The following CLEC2D variants were observed in gnomAD, a reference collection of about 807,000 sequenced individuals.
The protein encoded by CLEC2D is C-type lectin domain family 2 member D, also known as C-type lectin related f.
In CLEC2D, 16 loss-of-function variants were observed where a neutral mutation model predicts 20.0. That is an observed-to-expected ratio of 0.80 (90% CI 0.54 to 1.22). CLEC2D has a LOEUF of 1.22. Ranked by LOEUF, CLEC2D falls within the 50% of genes most tolerant of loss-of-function variation. The pLI is 0.00. For missense variants in CLEC2D, 207 were observed against 221.5 expected, an observed-to-expected ratio of 0.93 and a Z score of 0.42; for synonymous variants, 77 against 71.1, an observed-to-expected ratio of 1.08 and a Z score of -0.42.
Position 9,695,358 on chromosome 12 carries a change from C to G in CLEC2D, c.*484C>G. ...TCATTTATCTTCGTCTGCCTTGTCT[C>G]CTACCTAAGTGTGTGTCGCCACCCG... On this transcript the variant is annotated 3_prime_UTR_variant, in exon 5 of 5. Coordinates refer to ENST00000290855, the MANE Select transcript of CLEC2D (RefSeq NM_013269.6). The G allele has an allele frequency of 8.3e-7, 1 of 1,209,706 alleles. No homozygotes were observed. The highest frequency in any genetic ancestry group is 1.2e-6 in the Non-Finnish European group (1 of 828,280). The allele number at this position is 1,209,706 out of a possible 1,614,324, so 74.9% of individuals were successfully genotyped here.
intron 1 of CLEC2D, among the ~76,000 whole-genome samples, chr12:9,673,286 CTGTT>C (rs1002823981): frequency 2.0e-5 from 3 of 152,126 alleles, no homozygotes; most frequent in African/African-American, 4.8e-5. Flanking sequence ...TTGTTACTTT[CTGTT>C]TGTTTGTTTA....
chr12:9,687,688 C>CTG (rs1428762152), intron 2 of CLEC2D, among the ~76,000 whole-genome samples: 1 of 152,112 alleles, frequency 6.6e-6, no homozygotes, highest in Non-Finnish European at 1.5e-5. Context: ...TTCAGCTCAC[C>CTG]CCCTGCTGAA....
intron 3 of CLEC2D, among the ~76,000 whole-genome samples, chr12:9,689,913 A>G (rs1038771661): frequency 6.6e-6 from 1 of 152,134 alleles, no homozygotes; most frequent in African/African-American, 2.4e-5. Flanking sequence ...GAAATCCAGG[A>G]AAGAGAAGAG....
chr12:9,698,798 A>C lies in CLEC2D; in HGVS notation c.*3924A>C, dbSNP rs1277860313. ...ATACCCTAACATATAGTGATTTGAC[A>C]GGTGGAACTAAAGAAGACTCGAGGT... On this transcript the variant is annotated 3_prime_UTR_variant, in exon 5 of 5. Transcript: ENST00000290855. The C allele has an allele frequency of 2.6e-5, 4 of 152,206 alleles. No homozygotes were observed. Among genetic ancestry groups the C allele is most frequent in the African/African-American group, 7.2e-5 (3 of 41,464 alleles). 9.4% of individuals were successfully genotyped at this position (152,206 alleles called of 1,614,324 possible).
rs1358815090 is a variant in CLEC2D at position 9,695,097 on chromosome 12, T to G, written c.*223T>G. The G allele has an allele frequency of 7.0e-6, 4 of 574,762 alleles. No homozygotes were observed. The highest frequency in any genetic ancestry group is 1.2e-5 in the Non-Finnish European group (4 of 322,560). 35.6% of individuals were successfully genotyped at this position (574,762 alleles called of 1,614,324 possible). A position where few individuals can be genotyped will look rare whatever the true frequency, so the allele number is the denominator to read the frequency against. On this transcript the variant is annotated 3_prime_UTR_variant, in exon 5 of 5. Transcript: ENST00000290855. Reference sequence around the variant, plus strand: ...CCACTGCTAATGACATACCCGAGACTGAGTAATTTATAAATAAAAGAGATT... The same window carrying G: ...CCACTGCTAATGACATACCCGAGACGGAGTAATTTATAAATAAAAGAGATT...
chr12:9,691,817 A>G lies in CLEC2D; in HGVS notation c.358-1011A>G, dbSNP rs182337655. Among the ~76,000 whole-genome samples, 124 of 152,366 alleles carry G rather than the reference A, an allele frequency of 8.1e-4. 1 individual carries two copies. The highest frequency in any genetic ancestry group is 2.9e-3 in the African/African-American group (121 of 41,592). ...AAAAAAGAAGAAAGATCTCAAATCC[A>G]TAGCCTAACTGTACACTGTAAGGAA... is the stretch of plus-strand genomic sequence containing the variant. On this transcript the variant is annotated intron_variant, in intron 3 of 4. Coordinates refer to ENST00000290855, the MANE Select transcript of CLEC2D (RefSeq NM_013269.6).
intron 2 of CLEC2D, among the ~76,000 whole-genome samples, chr12:9,686,191 C>CA (rs367727604): frequency 4.9e-4 from 74 of 151,874 alleles, no homozygotes; most frequent in African/African-American, 1.7e-3. Flanking sequence ...CTTGTGTAAC[C>CA]AGTCCCAGTG....
Position 9,669,769 on chromosome 12 carries a change from C to T in CLEC2D, c.35C>T (p.Thr12Ile). 3 of 1,613,704 alleles carry T rather than the reference C, an allele frequency of 1.9e-6. No homozygotes were observed. The highest frequency in any genetic ancestry group is 2.5e-6 in the Non-Finnish European group (3 of 1,179,724). ...AGTAACAATGTGGAGAAAGACATTA[C>T]ACCATCTGAATTGCCTGCAAACCCA... ...HDSNNVEKDITPSELPANPGC... is the reference protein window; with the variant it reads ...HDSNNVEKDIIPSELPANPGC... Residue 12 changes from threonine to isoleucine, a missense_variant, in exon 1 of 5, where the codon ACA becomes ATA. Thr to Ile is a moderately conservative substitution (Grantham distance 89). Transcript: ENST00000290855.
intron 2 of CLEC2D, among the ~76,000 whole-genome samples, chr12:9,686,775 A>C (rs1865757038): frequency 6.6e-6 from 1 of 152,176 alleles, no homozygotes; most frequent in Non-Finnish European, 1.5e-5. Context: ...ATTTCTCCTG[A>C]TTATATAAGA....
chr12:9,673,500 C>A (rs955116852), intron 1 of CLEC2D, among the ~76,000 whole-genome samples: 5 of 152,214 alleles, frequency 3.3e-5, no homozygotes, highest in African/African-American at 1.2e-4. Flanking sequence ...TCTGGTGACC[C>A]TTGTTGGGAA....
chr12:9,686,605 A>G (rs1021488962), intron 2 of CLEC2D, among the ~76,000 whole-genome samples: 2 of 152,190 alleles, frequency 1.3e-5, no homozygotes, highest in Non-Finnish European at 2.9e-5. Flanking sequence ...TAATGATTCT[A>G]TGAATACCCA....
Position 9,695,357 on chromosome 12 carries a change from T to TCCTACC in CLEC2D, c.*484_*489dup. On this transcript the variant is annotated 3_prime_UTR_variant, in exon 5 of 5. Coordinates refer to ENST00000290855, the MANE Select transcript of CLEC2D (RefSeq NM_013269.6). The stretch of plus-strand genomic sequence containing the variant: ...TTCATTTATCTTCGTCTGCCTTGTC[T>TCCTACC]CCTACCTAAGTGTGTGTCGCCACCC... 1 of 1,194,742 alleles carries TCCTACC rather than the reference T, an allele frequency of 8.4e-7. No homozygotes were observed. Among genetic ancestry groups the TCCTACC allele is most frequent in the South Asian group, 1.2e-5 (1 of 83,370 alleles). 74.0% of individuals were successfully genotyped at this position (1,194,742 alleles called of 1,614,324 possible). A position where few individuals can be genotyped will look rare whatever the true frequency, so the allele number is the denominator to read the frequency against.
rs1866032244 is a variant in CLEC2D at position 9,697,772 on chromosome 12, TGAG to T, written c.*2901_*2903del. On this transcript the variant is annotated 3_prime_UTR_variant, in exon 5 of 5. Transcript: ENST00000290855. ...AGAGTAGAATGGTGGTTACCAGAGA[TGAG>T]GAAAATACAGAGACACAGGTCAAAA... 1 of 151,426 alleles carries T rather than the reference TGAG, an allele frequency of 6.6e-6. No individual in the cohort carries two copies. The highest frequency in any genetic ancestry group is 2.4e-5 in the African/African-American group (1 of 41,206). 9.4% of individuals were successfully genotyped at this position (151,426 alleles called of 1,614,324 possible).
Position 9,695,756 on chromosome 12 carries a change from CAG to C in CLEC2D, c.*884_*885del. The C allele has an allele frequency of 1.4e-6, 2 of 1,401,996 alleles. No individual in the cohort carries two copies. Among genetic ancestry groups the C allele is most frequent in the Non-Finnish European group, 2.0e-6 (2 of 998,862 alleles). The allele number at this position is 1,401,996 out of a possible 1,614,324, so 86.8% of individuals were successfully genotyped here. A position where few individuals can be genotyped will look rare whatever the true frequency, so the allele number is the denominator to read the frequency against. ...GTAGCTGTGAAGGAAGGTGCAGAGTCAGAAGATGAAGAAGAGGAGGATGTGAA... is the reference window on the plus strand; with the variant it reads ...GTAGCTGTGAAGGAAGGTGCAGAGTCAAGATGAAGAAGAGGAGGATGTGAA... On this transcript the variant is annotated 3_prime_UTR_variant, in exon 5 of 5. Transcript: ENST00000290855.
chr12:9,677,713 T>C lies in CLEC2D; in HGVS notation c.62-3210T>C, dbSNP rs1015019439. On this transcript the variant is annotated intron_variant, in intron 1 of 4. Coordinates refer to ENST00000290855, the MANE Select transcript of CLEC2D (RefSeq NM_013269.6). Reference sequence around the variant, plus strand: ...TCTGGGCATTTCTTTCTTTCTTTTTTTTTTTTTTTTTTTTTATTTTGTTGT... The same window carrying C: ...TCTGGGCATTTCTTTCTTTCTTTTTCTTTTTTTTTTTTTTTATTTTGTTGT... 2.7e-3 allele frequency among the ~76,000 whole-genome samples: 407 copies of C among 149,510 alleles called. 1 individual carries two copies. Among genetic ancestry groups the C allele is most frequent in the African/African-American group, 9.2e-3 (377 of 40,870 alleles).
chr12:9,688,228 G>A (rs1398434694), intron 3 of CLEC2D, 142 bp downstream of exon 3: 2 of 1,262,184 alleles, frequency 1.6e-6, no homozygotes, highest in African/African-American at 1.9e-5. Context: ...TAACGAAAGA[G>A]TAACCTAGCA....
intron 1 of CLEC2D, among the ~76,000 whole-genome samples, chr12:9,679,512 C>T (rs1865591781): frequency 6.6e-6 from 1 of 152,010 alleles, no homozygotes; most frequent in Non-Finnish European, 1.5e-5. Flanking sequence ...TGTCTTCTTG[C>T]TTGCATGGTT....
intron 2 of CLEC2D, among the ~76,000 whole-genome samples, chr12:9,685,279 C>G (rs1163059716): frequency 6.6e-6 from 1 of 152,194 alleles, no homozygotes; most frequent in Non-Finnish European, 1.5e-5. Context: ...CTATCAACCC[C>G]TGCTAGGAGT....
At chr12:9,683,713 G>A (rs142740879) in intron 2 of CLEC2D, among the ~76,000 whole-genome samples, 124 of 152,154 alleles carry the variant, frequency 8.1e-4, no homozygotes, top group African/African-American at 2.7e-3. Flanking sequence ...TGAGGCCTCT[G>A]TTCTGTCCAT....
Sources: gnomAD v4.1 joint callset for allele counts (sites outside exome capture counted in the v4.1 genomes callset) on GRCh38, gnomAD v4.1.1 for gene constraint, MANE v1.5 for transcripts, NCBI Gene and HGNC (gene_info 2026-07-23, HGNC 2026-07-21) for gene names.